IL1RAP: variants seen among roughly 807,000 people sequenced by gnomAD.
The protein encoded by IL1RAP is interleukin 1 receptor accessory protein, also known as interleukin-1 receptor accessory protein.
Under a neutral mutation model 60.7 loss-of-function variants are expected in IL1RAP, and 35 were observed. The ratio of observed to expected loss-of-function variants is 0.58; its 90% CI spans 0.44 to 0.76. The LOEUF (loss-of-function observed/expected upper bound fraction) is 0.76, where lower values mean the gene tolerates loss of function less well. IL1RAP is among the 30% of genes least tolerant of loss of function. The pLI, the probability that IL1RAP is intolerant of heterozygous loss-of-function variation, is 0.00. For missense variants in IL1RAP, 572 were observed against 693.9 expected, an observed-to-expected ratio of 0.82 and a Z score of 1.97; for synonymous variants, 268 against 250.9, an observed-to-expected ratio of 1.07 and a Z score of -0.64.
downstream of IL1RAP, among the ~76,000 whole-genome samples, chr3:190,654,802 G>A (rs1179963012): frequency 6.6e-6 from 1 of 152,142 alleles, no homozygotes; most frequent in Non-Finnish European, 1.5e-5. Context: ...AAATGGCTAG[G>A]ATTTACAATT....
chr3:190,585,337 C>A (rs1439217203), intron 3 of IL1RAP, among the ~76,000 whole-genome samples: 3 of 152,150 alleles, frequency 2.0e-5, no homozygotes, highest in African/African-American at 7.2e-5. Context: ...CTGCATCTCC[C>A]CACCCCCTCA....
rs1394940733 is a variant in IL1RAP at position 190,644,416 on chromosome 3, A to G, written c.1201+19A>G. ...ATTTTAGGTAAGTAACAGAAATTTGACATAAACCTCTTCTACTGTCATCTT... is the reference window on the plus strand; with the variant it reads ...ATTTTAGGTAAGTAACAGAAATTTGGCATAAACCTCTTCTACTGTCATCTT... On this transcript the variant is annotated intron_variant, in intron 10 of 11. Coordinates refer to ENST00000447382, the MANE Select transcript of IL1RAP (RefSeq NM_002182.4). The G allele has an allele frequency of 2.5e-6, 4 of 1,579,472 alleles. No individual in the cohort carries two copies. The highest frequency in any genetic ancestry group is 3.5e-6 in the Non-Finnish European group (4 of 1,148,776).
At chr3:190,536,644 T>C (rs974725695) in intron 1 of IL1RAP, among the ~76,000 whole-genome samples, 1 of 152,168 alleles carries the variant, frequency 6.6e-6, no homozygotes, top group African/African-American at 2.4e-5. Context: ...AAATACACTA[T>C]CATAAGCTAG....
chr3:190,575,656 C>T (rs1727377409), intron 3 of IL1RAP, among the ~76,000 whole-genome samples: 1 of 152,136 alleles, frequency 6.6e-6, no homozygotes, highest in Non-Finnish European at 1.5e-5. Flanking sequence ...GGTCAGAGTG[C>T]AGCACATACT....
At chr3:190,619,869 A>G (rs1023014649) in intron 5 of IL1RAP, among the ~76,000 whole-genome samples, 2 of 152,196 alleles carry the variant, frequency 1.3e-5, no homozygotes, top group Admixed American at 6.6e-5. Context: ...GGAGTCCCAA[A>G]TTAATATAAT....
At chr3:190,529,181 G>A (rs528502158) in intron 1 of IL1RAP, among the ~76,000 whole-genome samples, 2 of 152,310 alleles carry the variant, frequency 1.3e-5, no homozygotes, top group African/African-American at 2.4e-5. Context: ...TCTTAGCCAC[G>A]GAATTTCACA....
At chr3:190,548,257 C>T (rs753061191) in intron 1 of IL1RAP, among the ~76,000 whole-genome samples, 8 of 152,116 alleles carry the variant, frequency 5.3e-5, no homozygotes, top group Non-Finnish European at 1.0e-4. Context: ...CTAGATAATG[C>T]AGCGTGCCTG....
intron 1 of IL1RAP, among the ~76,000 whole-genome samples, chr3:190,522,844 A>G (rs1215139900): frequency 6.6e-6 from 1 of 152,144 alleles, no homozygotes; most frequent in African/African-American, 2.4e-5. Context: ...GATATCTAGG[A>G]TATCTGCACT....
intron 3 of IL1RAP, among the ~76,000 whole-genome samples, chr3:190,601,759 C>T (rs1401470663): frequency 6.6e-6 from 1 of 151,992 alleles, no homozygotes; most frequent in Non-Finnish European, 1.5e-5. Flanking sequence ...GCCGGACTTG[C>T]TCTTGTACCT....
intron 2 of IL1RAP, among the ~76,000 whole-genome samples, chr3:190,557,394 G>A (rs930088503): frequency 1.3e-5 from 2 of 152,148 alleles, no homozygotes; most frequent in African/African-American, 4.8e-5. Flanking sequence ...TCTATTCCAA[G>A]CTTCTAAAGA....
chr3:190,628,399 C>T (rs1044065824), intron 8 of IL1RAP, among the ~76,000 whole-genome samples: 2 of 152,166 alleles, frequency 1.3e-5, no homozygotes, highest in African/African-American at 2.4e-5. Flanking sequence ...GCTGTTGAAA[C>T]GTACTCAGTG....
At chr3:190,570,678 G>A (rs1246180787) in intron 3 of IL1RAP, among the ~76,000 whole-genome samples, 1 of 152,124 alleles carries the variant, frequency 6.6e-6, no homozygotes, top group African/African-American at 2.4e-5. Context: ...TGATTCTCCT[G>A]CCTCAGCCTC....
At chr3:190,563,959 G>T (rs182350917) in intron 2 of IL1RAP, 100 of 215,480 alleles carry the variant, frequency 4.6e-4, no homozygotes, top group Non-Finnish European at 8.2e-4. Flanking sequence ...GCTGGAGTTT[G>T]ATCATAGCTC....
At chr3:190,602,829 AG>A (rs1022189516) in intron 3 of IL1RAP, among the ~76,000 whole-genome samples, 2 of 152,212 alleles carry the variant, frequency 1.3e-5, no homozygotes, top group Non-Finnish European at 2.9e-5. Context: ...TACATACATA[AG>A]CATGTGTATG....
At chr3:190,559,914 A>C (rs558122385) in intron 2 of IL1RAP, among the ~76,000 whole-genome samples, 1 of 152,336 alleles carries the variant, frequency 6.6e-6, no homozygotes, top group African/African-American at 2.4e-5. Flanking sequence ...AAGAATATTT[A>C]CTTCATTTTA....
intron 3 of IL1RAP, among the ~76,000 whole-genome samples, chr3:190,574,971 C>T (rs188025602): frequency 8.7e-5 from 13 of 150,034 alleles, no homozygotes; most frequent in African/African-American, 3.2e-4. Flanking sequence ...TACACAAAGC[C>T]TCTTCAGTCC....
intron 9 of IL1RAP, among the ~76,000 whole-genome samples, chr3:190,641,472 AG>A (rs1218216957): frequency 3.9e-5 from 6 of 152,216 alleles, no homozygotes; most frequent in Admixed American, 3.3e-4. Flanking sequence ...ATTATTTAAG[AG>A]TTCGATACGT....
Position 190,573,207 on chromosome 3 carries a change from A to G in IL1RAP, c.64+8854A>G, listed in dbSNP as rs563961606. ...AAAAAGTGTACAGCAGAGATGGTGGAGACTTAAAGCTTTGCATGCCCCTCA... is the reference window on the plus strand; with the variant it reads ...AAAAAGTGTACAGCAGAGATGGTGGGGACTTAAAGCTTTGCATGCCCCTCA... On this transcript the variant is annotated intron_variant, in intron 3 of 11. Transcript: ENST00000447382. Among the ~76,000 whole-genome samples, 14 of 152,288 alleles carry G rather than the reference A, an allele frequency of 9.2e-5. No homozygotes were observed. The East Asian group carries it at 2.3e-3, about 25-fold the overall frequency.
At chr3:190,595,892 T>C (rs1389305762) in intron 3 of IL1RAP, among the ~76,000 whole-genome samples, 1 of 152,240 alleles carries the variant, frequency 6.6e-6, no homozygotes, top group African/African-American at 2.4e-5. Flanking sequence ...TTTCTATGTC[T>C]TTCTTTTGTG....
Sources: gnomAD v4.1 joint callset for allele counts (sites outside exome capture counted in the v4.1 genomes callset) on GRCh38, gnomAD v4.1.1 for gene constraint, MANE v1.5 for transcripts, NCBI Gene and HGNC (gene_info 2026-07-23, HGNC 2026-07-21) for gene names.